The following SNX14 variants were observed in gnomAD, a reference collection of about 807,000 sequenced individuals.
SNX14 encodes the protein sorting nexin 14.
In SNX14, 93 loss-of-function variants were observed where a neutral mutation model predicts 133.8. The ratio of observed to expected loss-of-function variants is 0.70; its 90% CI spans 0.59 to 0.83. SNX14 has a LOEUF of 0.83. Among genes scored for constraint, SNX14 ranks in the 40% least tolerant of loss-of-function variants. The pLI, the probability that SNX14 is intolerant of heterozygous loss-of-function variation, is 0.00. For synonymous variants in SNX14, 368 were observed against 365.6 expected, an observed-to-expected ratio of 1.01 and a Z score of -0.07; for missense variants, 945 against 1,094.9, an observed-to-expected ratio of 0.86 and a Z score of 1.93.
At chr6:85,525,996 T>C (rs1239522667) in intron 21 of SNX14, 130 bp downstream of exon 21, 2 of 524,748 alleles carry the variant, frequency 3.8e-6, no homozygotes, top group Admixed American at 8.3e-5. Context: ...TCTGACAATT[T>C]ATCTCTAAAT....
At chr6:85,551,668 C>T (rs4707213) in intron 7 of SNX14, among the ~76,000 whole-genome samples, 12,518 of 152,264 alleles carry the variant, frequency 0.082, 837 homozygotes, top group East Asian at 0.22. Context: ...GGTTTGCAAA[C>T]TGTTCCCTGA....
chr6:85,570,126 C>A (rs192625561), intron 4 of SNX14, among the ~76,000 whole-genome samples: 35 of 152,218 alleles, frequency 2.3e-4, no homozygotes, highest in Admixed American at 7.2e-4. Context: ...TTGTGATTAC[C>A]TGTTTATATG....
Position 85,522,836 on chromosome 6 carries a change from A to G in SNX14, c.2107+3290T>C, listed in dbSNP as rs149256694. ...TGTACTGTACCTTCAAGATACTCCA[A>G]ACATTACCAGCTGATTCCCTCTTTC... On this transcript the variant is annotated intron_variant, in intron 21 of 28. Coordinates refer to ENST00000314673, the MANE Select transcript of SNX14 (RefSeq NM_153816.6). Among the ~76,000 whole-genome samples, 364 of 152,266 alleles carry G rather than the reference A, an allele frequency of 2.4e-3. 1 individual carries two copies. The highest frequency in any genetic ancestry group is 8.2e-3 in the African/African-American group (342 of 41,546).
intron 15 of SNX14, among the ~76,000 whole-genome samples, chr6:85,540,102 C>T (rs927692142): frequency 9.9e-5 from 15 of 152,048 alleles, no homozygotes; most frequent in Non-Finnish European, 1.9e-4. Context: ...GCTGGGATCA[C>T]AGGTGTGTTC....
intron 22 of SNX14, 42 bp from the exon 23 acceptor site, chr6:85,517,917 A>C (rs1278241149): frequency 6.3e-7 from 1 of 1,577,966 alleles, no homozygotes; most frequent in Non-Finnish European, 8.6e-7. Context: ...AAATAAAGGT[A>C]ATTTTTAGTA....
intron 26 of SNX14, among the ~76,000 whole-genome samples, chr6:85,512,614 T>C (rs2127786931): frequency 9.1e-6 from 1 of 110,136 alleles, no homozygotes; most frequent in East Asian, 2.4e-4. Context: ...ACAGTGGGGC[T>C]CTGTCTCAAA....
chr6:85,592,761 A>G (rs1284801104), intron 1 of SNX14, among the ~76,000 whole-genome samples: 2 of 151,626 alleles, frequency 1.3e-5, no homozygotes, highest in Non-Finnish European at 2.9e-5. Flanking sequence ...AGGCCGAGGC[A>G]GGCGGCTCAC....
intron 7 of SNX14, among the ~76,000 whole-genome samples, chr6:85,555,752 G>A (rs1459881623): frequency 6.6e-6 from 1 of 152,160 alleles, no homozygotes; most frequent in Non-Finnish European, 1.5e-5. Flanking sequence ...CATTTTGGGA[G>A]GCCAAGGCGT....
intron 1 of SNX14, among the ~76,000 whole-genome samples, chr6:85,576,667 G>A (rs1420801729): frequency 6.6e-6 from 1 of 152,122 alleles, no homozygotes; most frequent in African/African-American, 2.4e-5. Context: ...ATTCAGAGAG[G>A]AGAAAAAGGA....
chr6:85,506,385 C>T (rs180861124), intron 28 of SNX14, among the ~76,000 whole-genome samples: 1 of 151,770 alleles, frequency 6.6e-6, no homozygotes, highest in East Asian at 1.9e-4. Flanking sequence ...GGCATGATCT[C>T]GGCTCACTGC....
chr6:85,541,504 T>A (rs190345642), intron 15 of SNX14, among the ~76,000 whole-genome samples: 1 of 152,302 alleles, frequency 6.6e-6, no homozygotes, highest in African/African-American at 2.4e-5. Flanking sequence ...GAACACTAAT[T>A]ATCCAGTTTA....
At chr6:85,543,079 T>C in intron 14 of SNX14, 103 bp downstream of exon 14, 6 of 1,172,296 alleles carry the variant, frequency 5.1e-6, no homozygotes, top group Non-Finnish European at 6.8e-6. Context: ...TCTTGTCTTA[T>C]TTTTCTATTT....
chr6:85,534,469 G>A (rs552065077), intron 17 of SNX14, among the ~76,000 whole-genome samples: 4 of 152,288 alleles, frequency 2.6e-5, no homozygotes, highest in African/African-American at 4.8e-5. Context: ...CTTAGTCTGC[G>A]TTAGCACCTT....
At position 85,574,311 on chromosome 6, in the gene SNX14, C is replaced by T; in HGVS notation, c.208G>A (p.Gly70Arg). 6.3e-7 allele frequency: 1 copy of T among 1,595,628 alleles called. No homozygotes were observed. Among genetic ancestry groups the T allele is most frequent in the Non-Finnish European group, 8.6e-7 (1 of 1,165,674 alleles). The change falls in exon 2 of 29, where the codon GGA (glycine) becomes AGA (arginine). Residue 70 changes from glycine (G) to arginine (R), a missense_variant. Coordinates refer to ENST00000314673, the MANE Select transcript of SNX14 (RefSeq NM_153816.6). ...ATATTTGGTAAGAGAGAATCAGGTCCTAGTGAGCAGTAGAATGTGACAACT... is the reference window on the plus strand; with the variant it reads ...ATATTTGGTAAGAGAGAATCAGGTCTTAGTGAGCAGTAGAATGTGACAACT... ...AGVVTFYCSL[G>R]PDSLLPNIFF...
intron 1 of SNX14, among the ~76,000 whole-genome samples, chr6:85,587,744 G>A (rs897919682): frequency 8.6e-5 from 13 of 151,954 alleles, no homozygotes; most frequent in Non-Finnish European, 1.9e-4. Flanking sequence ...TTACAGGCGT[G>A]AGCCACCAAA....
At chr6:85,574,916 A>G (rs1485681085) in intron 1 of SNX14, among the ~76,000 whole-genome samples, 1 of 152,260 alleles carries the variant, frequency 6.6e-6, no homozygotes, top group African/African-American at 2.4e-5. Context: ...TGGGAATACC[A>G]CAGGCTGATT....
intron 1 of SNX14, chr6:85,588,771 ATATG>A (rs1297705449): frequency 2.5e-6 from 1 of 406,384 alleles, no homozygotes; most frequent in African/African-American, 2.0e-5. Flanking sequence ...CTTATTTTGT[ATATG>A]TATTATATAC....
intron 1 of SNX14, among the ~76,000 whole-genome samples, chr6:85,592,163 C>T (rs1289222832): frequency 6.6e-6 from 1 of 152,240 alleles, no homozygotes; most frequent in East Asian, 1.9e-4. Flanking sequence ...CACACTCCTA[C>T]AGTTCAAACA....
At chr6:85,565,257 CA>C in intron 6 of SNX14, 74 bp downstream of exon 6, 1 of 911,680 alleles carries the variant, frequency 1.1e-6, no homozygotes, top group Non-Finnish European at 1.7e-6. Flanking sequence ...CATGTACTCA[CA>C]AAAAATTGTT....
Sources: allele counts gnomAD v4.1 joint callset (sites outside exome capture counted in the v4.1 genomes callset), GRCh38; gene constraint gnomAD v4.1.1; transcripts MANE v1.5; gene names NCBI Gene and HGNC (gene_info 2026-07-23, HGNC 2026-07-21).